The following NOP16 variants were observed in gnomAD, a reference collection of about 807,000 sequenced individuals.
The protein encoded by NOP16 is nucleolar protein 16.
In NOP16, 14 loss-of-function variants were observed where a neutral mutation model predicts 22.7. That is an observed-to-expected ratio of 0.62 (90% CI 0.41 to 0.97). The LOEUF is 0.97. Among genes scored for constraint, NOP16 ranks in the 50% least tolerant of loss-of-function variants. The probability of loss-of-function intolerance (pLI) is 0.00; values close to 1 mark genes in which losing one functional copy is unlikely to be tolerated. For synonymous variants in NOP16, 80 were observed against 83.6 expected, an observed-to-expected ratio of 0.96 and a Z score of 0.23; for missense variants, 198 against 235.9, an observed-to-expected ratio of 0.84 and a Z score of 1.05.
intron 4 of NOP16, 172 bp downstream of exon 4, chr5:176,385,049 C>T: frequency 1.6e-6 from 1 of 624,878 alleles, no homozygotes; most frequent in Non-Finnish European, 2.9e-6. Flanking sequence ...TCTATCCTTG[C>T]CATAAGCATT....
In NOP16 at chr5:176,384,169, C is replaced by T. The variant is rs769659949; in HGVS notation, c.*62G>A. Reference sequence around the variant, plus strand: ...ACACAGCACCTCCTTGCCTTACACCCTGGCTCCAGCTTCACTGGTCCGGGG... The same window carrying T: ...ACACAGCACCTCCTTGCCTTACACCTTGGCTCCAGCTTCACTGGTCCGGGG... On this transcript the variant is annotated 3_prime_UTR_variant, in exon 5 of 5. Transcript: ENST00000614830. 6.2e-7 allele frequency: 1 copy of T among 1,614,064 alleles called. No homozygotes were observed. The highest frequency in any genetic ancestry group is 8.5e-7 in the Non-Finnish European group (1 of 1,180,036).
rs1755691567 is a variant in NOP16 at position 176,384,660 on chromosome 5, C to T, written c.394-286G>A. On this transcript the variant is annotated intron_variant, in intron 4 of 4. Transcript: ENST00000614830. The stretch of plus-strand genomic sequence containing the variant: ...ATTAACCATCCTGTGGTCCCAGCTA[C>T]TTGGGAGGCCGAGGCAGGAGGACTG... The T allele has an allele frequency of 4.2e-5, 19 of 449,198 alleles. 1 individual carries two copies. In the South Asian group the frequency reaches 5.4e-4, roughly 13 times the overall value. 27.8% of individuals were successfully genotyped at this position (449,198 alleles called of 1,614,324 possible). A position where few individuals can be genotyped will look rare whatever the true frequency, so the allele number is the denominator to read the frequency against.
chr5:176,386,541 C>A, intron 3 of NOP16: 1 of 443,078 alleles, frequency 2.3e-6, no homozygotes, highest in Non-Finnish European at 4.2e-6. Context: ...TCCTTAAATT[C>A]ATGAGAAGCC....
In NOP16 at chr5:176,383,952, A is replaced by T. The variant is rs574881052; in HGVS notation, c.*279T>A. 6.7e-7 allele frequency: 1 copy of T among 1,491,570 alleles called. No homozygotes were observed. The highest frequency in any genetic ancestry group is 2.5e-5 in the East Asian group (1 of 40,556). 92.4% of individuals were successfully genotyped at this position (1,491,570 alleles called of 1,614,324 possible). On this transcript the variant is annotated 3_prime_UTR_variant, in exon 5 of 5. Transcript: ENST00000614830. ...TACAAAATCATCAGAGAAGTAAAAT[A>T]TATTTGCTTTATTATGTACACACTA... is the stretch of plus-strand genomic sequence containing the variant.
chr5:176,386,582 T>C lies in NOP16; in HGVS notation c.286+258A>G. On this transcript the variant is annotated intron_variant, in intron 3 of 4. Coordinates refer to ENST00000614830, the MANE Select transcript of NOP16 (RefSeq NM_016391.8). ...CATGCCAGAGATTTACTGGTTTCTC[T>C]TCTATTCTCCCAGGCACCTGGGTAC... is the stretch of plus-strand genomic sequence containing the variant. 3 of 551,344 alleles carry C rather than the reference T, an allele frequency of 5.4e-6. No individual in the cohort carries two copies. The South Asian group carries it at 5.5e-5, about 10-fold the overall frequency. The allele number at this position is 551,344 out of a possible 1,614,324, so 34.2% of individuals were successfully genotyped here.
Position 176,387,517 on chromosome 5 carries a change from A to G in NOP16, c.217-608T>C, listed in dbSNP as rs186448678. ...TTCTTTCATGCCAGAGGAAAATGGCACTACCATTTCTTGAATAAATGTGAG... is the reference window on the plus strand; with the variant it reads ...TTCTTTCATGCCAGAGGAAAATGGCGCTACCATTTCTTGAATAAATGTGAG... On this transcript the variant is annotated intron_variant, in intron 2 of 4. Coordinates refer to ENST00000614830, the MANE Select transcript of NOP16 (RefSeq NM_016391.8). Among the ~76,000 whole-genome samples the G allele has an allele frequency of 5.4e-3, 824 of 152,368 alleles. 7 individuals are homozygous for G. Among genetic ancestry groups the G allele is most frequent in the African/African-American group, 0.019 (799 of 41,586 alleles).
intron 4 of NOP16, 32 bp from the exon 5 acceptor site, chr5:176,384,406 T>C: frequency 6.3e-7 from 1 of 1,588,974 alleles, no homozygotes; most frequent in Non-Finnish European, 8.6e-7. Context: ...TAAGGAGGGC[T>C]AGACAGGCAA....
intron 4 of NOP16, 199 bp from the exon 5 acceptor site, chr5:176,384,573 G>A (rs947673382): frequency 6.7e-6 from 4 of 594,194 alleles, no homozygotes; most frequent in African/African-American, 1.9e-5. Flanking sequence ...GATCTCTTGA[G>A]CCCAGGAGTT....
chr5:176,384,308 C>T lies in NOP16; in HGVS notation c.460G>A (p.Val154Ile), dbSNP rs994865659. 7.4e-6 allele frequency: 12 copies of T among 1,614,100 alleles called. No homozygotes were observed. The East Asian group carries it at 1.6e-4, about 21-fold the overall frequency. The change falls in exon 5 of 5, where the codon GTC (valine) becomes ATC (isoleucine). Residue 154 changes from valine (V) to isoleucine (I), a missense_variant. By Grantham distance (29) the Val-to-Ile change is conservative. Coordinates refer to ENST00000614830, the MANE Select transcript of NOP16 (RefSeq NM_016391.8). ...TPKQIRSKIN[V>I]YKRFYPAEWQ... Reference sequence around the variant, plus strand: ...TCTGCTGGGTAAAAGCGTTTATAGACGTTGATCTTACTCCGAATCTGTTTT... The same window carrying T: ...TCTGCTGGGTAAAAGCGTTTATAGATGTTGATCTTACTCCGAATCTGTTTT...
intron 4 of NOP16, 177 bp downstream of exon 4, chr5:176,385,043 TC>T (rs1755720012): frequency 1.6e-6 from 1 of 620,488 alleles, no homozygotes; most frequent in African/African-American, 1.8e-5. Context: ...ACTCAGTCTA[TC>T]CTTGCCATAA....
chr5:176,387,454 A>G (rs1755959652), intron 2 of NOP16, among the ~76,000 whole-genome samples: 1 of 152,254 alleles, frequency 6.6e-6, no homozygotes, highest in Non-Finnish European at 1.5e-5. Context: ...GGCTTCGCGA[A>G]TGAATTTGTT....
At chr5:176,385,099 G>T in intron 4 of NOP16, 122 bp downstream of exon 4, 1 of 728,264 alleles carries the variant, frequency 1.4e-6, no homozygotes, top group South Asian at 1.4e-5. Flanking sequence ...CCATTTCCTA[G>T]AGTCTCTTTT....
intron 2 of NOP16, 64 bp from the exon 3 acceptor site, chr5:176,386,973 C>T: frequency 7.2e-7 from 1 of 1,393,670 alleles, no homozygotes; most frequent in Non-Finnish European, 1.0e-6. Context: ...TAGACTCCTG[C>T]TTATCCCAAC....
chr5:176,387,890 G>C (rs1581411761), intron 2 of NOP16, among the ~76,000 whole-genome samples: 1 of 152,110 alleles, frequency 6.6e-6, no homozygotes, highest in East Asian at 1.9e-4. Flanking sequence ...GAATAACAAA[G>C]AAAAGGTGTA....
chr5:176,386,442 C>A, intron 3 of NOP16: 5 of 293,706 alleles, frequency 1.7e-5, no homozygotes, highest in South Asian at 3.2e-5. Flanking sequence ...TCCGTTTTAG[C>A]GTTCACTCTC....
At chr5:176,386,104 A>ATTG (rs1158434978) in intron 3 of NOP16, 1 of 153,128 alleles carries the variant, frequency 6.5e-6, no homozygotes, top group Non-Finnish European at 1.5e-5. Context: ...CCTGTTGCAC[A>ATTG]ACAAAGTCAA....
Position 176,384,079 on chromosome 5 carries a change from G to A in NOP16, c.*152C>T, listed in dbSNP as rs41275271. On this transcript the variant is annotated 3_prime_UTR_variant, in exon 5 of 5. Transcript: ENST00000614830. ...CTGAGAACAGTTCCTTCCCCAGAGC[G>A]GGGAGTGTGCACGTGTGTGTGTAAC... 7.4e-5 allele frequency: 118 copies of A among 1,591,820 alleles called. No individual in the cohort carries two copies. Among genetic ancestry groups the A allele is most frequent in the Non-Finnish European group, 9.2e-5 (108 of 1,174,018 alleles).
intron 3 of NOP16, 173 bp downstream of exon 3, chr5:176,386,667 A>G (rs1383678881): frequency 7.1e-6 from 5 of 709,206 alleles, no homozygotes; most frequent in Non-Finnish European, 1.3e-5. Flanking sequence ...TAGTCAGTAC[A>G]ATGAAAAATG....
At chr5:176,387,828 G>A (rs561063929) in intron 2 of NOP16, among the ~76,000 whole-genome samples, 1 of 152,308 alleles carries the variant, frequency 6.6e-6, no homozygotes, top group East Asian at 1.9e-4. Context: ...TTGAACCCGG[G>A]AAGGAGACTG....
Sources: gnomAD v4.1 joint callset for allele counts (sites outside exome capture counted in the v4.1 genomes callset) on GRCh38, gnomAD v4.1.1 for gene constraint, MANE v1.5 for transcripts, NCBI Gene and HGNC (gene_info 2026-07-23, HGNC 2026-07-21) for gene names.